Variants in FAM169A observed in about 807,000 individuals in gnomAD.
FAM169A encodes family with sequence similarity 169 member A, also known as soluble lamin-associated protein of 75 kDa.
A neutral mutation model predicts 75.7 loss-of-function variants in FAM169A; 24 were observed. The ratio of observed to expected loss-of-function variants is 0.32; its 90% CI spans 0.23 to 0.45. The LOEUF (loss-of-function observed/expected upper bound fraction) is 0.45. FAM169A is among the 20% of genes least tolerant of loss of function. FAM169A has a pLI of 1.00. For missense variants in FAM169A, 673 were observed against 784.0 expected, an observed-to-expected ratio of 0.86 and a Z score of 1.69; for synonymous variants, 271 against 271.0, an observed-to-expected ratio of 1.00 and a Z score of 0.00.
At chr5:74,803,130 G>A (rs1335138841) in intron 8 of FAM169A, among the ~76,000 whole-genome samples, 1 of 152,086 alleles carries the variant, frequency 6.6e-6, no homozygotes, top group Admixed American at 6.6e-5. Flanking sequence ...AATTTATGCT[G>A]TCAACTGTAT....
chr5:74,866,393 C>T, upstream of FAM169A: 1 of 983,616 alleles, frequency 1.0e-6, no homozygotes. Context: ...GCACTAGCGC[C>T]GCAGCGCCTC....
chr5:74,855,483 C>A lies in FAM169A; in HGVS notation c.-4+10682G>T, dbSNP rs1002973232. Among the ~76,000 whole-genome samples, 4 of 152,188 alleles carry A rather than the reference C, an allele frequency of 2.6e-5. 1 individual carries two copies. The South Asian group carries it at 8.3e-4, about 31-fold the overall frequency. On this transcript the variant is annotated intron_variant, in intron 1 of 12. Coordinates refer to ENST00000687041, the MANE Select transcript of FAM169A (RefSeq NM_001376049.1). ...AAAGCGCTGGGATTATAGGCATAAG[C>A]CACCGTGCCTGGCCTTATTGTAGTT...
chr5:74,814,529 T>C (rs568711657), intron 5 of FAM169A, among the ~76,000 whole-genome samples: 5 of 152,284 alleles, frequency 3.3e-5, no homozygotes, highest in South Asian at 4.1e-4. Flanking sequence ...TACTTGATGA[T>C]AGTAAAGAAG....
chr5:74,837,860 G>A (rs1174484417), intron 4 of FAM169A, among the ~76,000 whole-genome samples: 1 of 152,098 alleles, frequency 6.6e-6, no homozygotes, highest in Non-Finnish European at 1.5e-5. Flanking sequence ...GCTTATGTCT[G>A]TAATCCTAGC....
intron 5 of FAM169A, among the ~76,000 whole-genome samples, chr5:74,826,174 T>C (rs1303281469): frequency 6.6e-6 from 1 of 152,224 alleles, no homozygotes; most frequent in Non-Finnish European, 1.5e-5. Flanking sequence ...AACATTCTTG[T>C]TCTTATTTCA....
chr5:74,856,577 G>A (rs1408089634), intron 1 of FAM169A, among the ~76,000 whole-genome samples: 1 of 151,886 alleles, frequency 6.6e-6, no homozygotes, highest in Non-Finnish European at 1.5e-5. Flanking sequence ...AGAGCTAGGG[G>A]AAAAATAAAA....
chr5:74,784,510 C>CAAAAAAA lies in FAM169A; in HGVS notation c.1261-1383_1261-1377dup, dbSNP rs200414695. On this transcript the variant is annotated intron_variant, in intron 11 of 12. Coordinates refer to ENST00000687041, the MANE Select transcript of FAM169A (RefSeq NM_001376049.1). ...AGGGAGACAGAGCAAGACTCCGTCTCAAAAAAAAAAAAAAAAAAACAAGAA... is the reference window on the plus strand; with the variant it reads ...AGGGAGACAGAGCAAGACTCCGTCTCAAAAAAAAAAAAAAAAAAAAAAAAAACAAGAA... Among the ~76,000 whole-genome samples, 129 of 29,862 alleles carry CAAAAAAA rather than the reference C, an allele frequency of 4.3e-3. 28 individuals carry two copies. The highest frequency in any genetic ancestry group is 0.023 in the African/African-American group (115 of 4,894). 19.6% of individuals were successfully genotyped at this position (29,862 alleles called of 152,430 possible).
chr5:74,842,099 A>G (rs1001740507), intron 1 of FAM169A, among the ~76,000 whole-genome samples: 5 of 150,914 alleles, frequency 3.3e-5, no homozygotes, highest in African/African-American at 7.3e-5. Flanking sequence ...TAGCTGCACA[A>G]CCCTATAAAT....
At chr5:74,816,612 T>C (rs1205371281) in intron 5 of FAM169A, among the ~76,000 whole-genome samples, 1 of 152,180 alleles carries the variant, frequency 6.6e-6, no homozygotes, top group East Asian at 1.9e-4. Flanking sequence ...GTCTGACTCA[T>C]ACAAATGCAA....
chr5:74,809,391 G>C (rs1386616269), intron 6 of FAM169A, among the ~76,000 whole-genome samples: 3 of 151,896 alleles, frequency 2.0e-5, no homozygotes, highest in Non-Finnish European at 4.4e-5. Context: ...TCAGGAGATC[G>C]AGACCATCCT....
chr5:74,782,406 T>C (rs1298416313), intron 12 of FAM169A, among the ~76,000 whole-genome samples: 1 of 152,216 alleles, frequency 6.6e-6, no homozygotes, highest in Non-Finnish European at 1.5e-5. Context: ...TTGACTACGA[T>C]TTCATTAGAT....
intron 11 of FAM169A, among the ~76,000 whole-genome samples, chr5:74,788,989 A>G (rs1445727610): frequency 6.6e-6 from 1 of 152,218 alleles, no homozygotes; most frequent in African/African-American, 2.4e-5. Flanking sequence ...GTATGCAGCC[A>G]ATGATTTGCC....
rs1383626108 is a variant in FAM169A at position 74,779,034 on chromosome 5, C to G, written c.*2426G>C. 1 of 152,104 alleles carries G rather than the reference C, an allele frequency of 6.6e-6. No homozygotes were observed. Among genetic ancestry groups the G allele is most frequent in the African/African-American group, 2.4e-5 (1 of 41,446 alleles). 9.4% of individuals were successfully genotyped at this position (152,104 alleles called of 1,614,324 possible). On this transcript the variant is annotated 3_prime_UTR_variant, in exon 13 of 13. Transcript: ENST00000687041. ...TTTCCAAGTGATCTAACTTTTCCCT[C>G]TATAATCTATAAACCCCAAAATAAC...
chr5:74,835,368 G>C (rs1259933090), intron 4 of FAM169A, among the ~76,000 whole-genome samples: 1 of 152,024 alleles, frequency 6.6e-6, no homozygotes, highest in Admixed American at 6.6e-5. Flanking sequence ...TTGGGAAGCT[G>C]AGGTGGGTGG....
At chr5:74,847,057 ATT>A (rs1291541684) in intron 1 of FAM169A, among the ~76,000 whole-genome samples, 3 of 152,134 alleles carry the variant, frequency 2.0e-5, no homozygotes, top group Admixed American at 2.0e-4. Flanking sequence ...ACTATATAAT[ATT>A]TTTCTCAATT....
Position 74,860,424 on chromosome 5 carries a change from T to A in FAM169A, c.-4+5741A>T, listed in dbSNP as rs1000154054. On this transcript the variant is annotated intron_variant, in intron 1 of 12. Coordinates refer to ENST00000687041, the MANE Select transcript of FAM169A (RefSeq NM_001376049.1). ...AAATTGGCTTCTGTCCTTATCACTA[T>A]ATTAATACTCCTACTCATAAGATCT... Among the ~76,000 whole-genome samples the A allele has an allele frequency of 3.3e-5, 5 of 152,254 alleles. No homozygotes were observed. In the South Asian group the frequency reaches 1.0e-3, roughly 31 times the overall value.
At chr5:74,839,112 G>T in intron 3 of FAM169A, 62 bp from the exon 4 acceptor site, 2 of 1,153,666 alleles carry the variant, frequency 1.7e-6, no homozygotes, top group Non-Finnish European at 1.3e-6. Flanking sequence ...GACTTAATAA[G>T]GCCATATTGT....
Position 74,813,869 on chromosome 5 carries a change from C to T in FAM169A, c.641G>A (p.Arg214Gln), listed in dbSNP as rs868101606. The T allele has an allele frequency of 3.8e-6, 6 of 1,595,214 alleles. No homozygotes were observed. Among genetic ancestry groups the T allele is most frequent in the Non-Finnish European group, 5.1e-6 (6 of 1,174,538 alleles). The change falls in exon 6 of 13, where the codon CGG (arginine) becomes CAG (glutamine). Residue 214 changes from arginine to glutamine, a missense_variant. Physicochemically the swap from Arg to Gln is conservative, Grantham distance 43. Around this residue, in one of 3 missense-constraint regions of FAM169A, gnomAD observed 510 missense variants for 550.9 expected, o/e 0.93. Transcript: ENST00000687041. ...DSFTEDALGL[R>Q]YPLSSLMYTA... is the part of the protein sequence containing the mutation. ...ATACATGAGAGAAGACAGTGGATAC[C>T]GCAAGCCAAGCGCATCTTCTGTAAA...
At chr5:74,782,415 A>C (rs537958412) in intron 12 of FAM169A, among the ~76,000 whole-genome samples, 3 of 152,312 alleles carry the variant, frequency 2.0e-5, no homozygotes, top group South Asian at 4.1e-4. Context: ...ATTTCATTAG[A>C]TAAGTTAGGG....
Sources: allele counts gnomAD v4.1 joint callset (sites outside exome capture counted in the v4.1 genomes callset), GRCh38; gene constraint gnomAD v4.1.1; regional missense constraint gnomAD v4.1.1; transcripts MANE v1.5; gene names NCBI Gene and HGNC (gene_info 2026-07-23, HGNC 2026-07-21).